Variants in PDZRN4 observed in about 807,000 individuals in gnomAD.
PDZRN4 encodes PDZ domain containing ring finger 4.
A neutral mutation model predicts 99.0 loss-of-function variants in PDZRN4; 70 were observed. The ratio of observed to expected loss-of-function variants is 0.71; its 90% CI spans 0.58 to 0.86. The LOEUF is 0.86. Ranked by LOEUF, PDZRN4 falls within the 40% of genes least tolerant of loss-of-function variation. PDZRN4 has a pLI of 0.00. For missense variants in PDZRN4, 1,474 were observed against 1,331.2 expected (o/e 1.11, Z -1.67); for synonymous variants, 551 against 501.6 (o/e 1.10, Z -1.32).
rs527360203 is a variant in PDZRN4, at chr12:41,438,752, G to T, written c.844-67704G>T. ...TACAAATAAGAAAACTAGATCCTGA[G>T]CCTTTATAGTTTTAACAGAATTTTC... On this transcript the variant is annotated intron_variant, in intron 3 of 9. Transcript: ENST00000402685. Among the ~76,000 whole-genome samples, 4 of 152,300 alleles carry T rather than the reference G, an allele frequency of 2.6e-5. No homozygotes were observed. In the South Asian group the frequency reaches 8.3e-4, roughly 32 times the overall value.
intron 3 of PDZRN4, among the ~76,000 whole-genome samples, chr12:41,292,019 G>A (rs1852411717): frequency 6.6e-6 from 1 of 152,188 alleles, no homozygotes; most frequent in Non-Finnish European, 1.5e-5. Context: ...CCCAGGTTGT[G>A]TTTGGCAGTC....
chr12:41,229,723 T>A (rs1951016690), intron 3 of PDZRN4, among the ~76,000 whole-genome samples: 1 of 152,048 alleles, frequency 6.6e-6, no homozygotes, highest in African/African-American at 2.4e-5. Context: ...TCAGAAGTCT[T>A]GTGAATGAAT....
chr12:41,262,608 G>A (rs562728031), intron 3 of PDZRN4, among the ~76,000 whole-genome samples: 1 of 152,268 alleles, frequency 6.6e-6, no homozygotes, highest in South Asian at 2.1e-4. Flanking sequence ...TAGAATTTGT[G>A]ATGATATTTG....
At chr12:41,374,567 A>G (rs1312465271) in intron 3 of PDZRN4, among the ~76,000 whole-genome samples, 1 of 152,186 alleles carries the variant, frequency 6.6e-6, no homozygotes, top group African/African-American at 2.4e-5. Context: ...GGATAGCAGT[A>G]GGTCTATAGA....
intron 3 of PDZRN4, among the ~76,000 whole-genome samples, chr12:41,418,474 A>G (rs1359273068): frequency 6.6e-6 from 1 of 152,186 alleles, no homozygotes; most frequent in African/African-American, 2.4e-5. Flanking sequence ...ATGGCCCTAA[A>G]GTAGTTTTAT....
chr12:41,323,003 A>G (rs1305632730), intron 3 of PDZRN4, among the ~76,000 whole-genome samples: 1 of 152,206 alleles, frequency 6.6e-6, no homozygotes, highest in Non-Finnish European at 1.5e-5. Context: ...CAGAGGGCAA[A>G]TAAGGCCAAT....
At chr12:41,325,458 A>G (rs189503737) in intron 3 of PDZRN4, among the ~76,000 whole-genome samples, 2 of 152,338 alleles carry the variant, frequency 1.3e-5, no homozygotes, top group East Asian at 3.9e-4. Flanking sequence ...AATTTTAAAA[A>G]CATGTAACCA....
At chr12:41,523,631 G>A (rs1938527202) in intron 5 of PDZRN4, among the ~76,000 whole-genome samples, 1 of 152,012 alleles carries the variant, frequency 6.6e-6, no homozygotes, top group Non-Finnish European at 1.5e-5. Context: ...TATTCAAAAT[G>A]GAAAGAAGCA....
At chr12:41,515,823 C>T (rs998378672) in intron 5 of PDZRN4, among the ~76,000 whole-genome samples, 11 of 152,034 alleles carry the variant, frequency 7.2e-5, no homozygotes, top group African/African-American at 2.7e-4. Flanking sequence ...CAGATCAAAC[C>T]TTCTCAAGTG....
At chr12:41,443,702 C>G (rs1386946124) in intron 3 of PDZRN4, among the ~76,000 whole-genome samples, 2 of 151,998 alleles carry the variant, frequency 1.3e-5, no homozygotes, top group African/African-American at 4.8e-5. Flanking sequence ...GTGAGGCCTA[C>G]TAGGAGGTAA....
At chr12:41,534,501 T>C (rs966475756) in intron 5 of PDZRN4, among the ~76,000 whole-genome samples, 1 of 152,130 alleles carries the variant, frequency 6.6e-6, no homozygotes, top group African/African-American at 2.4e-5. Flanking sequence ...TGTGTCCATG[T>C]GTTTTCATTG....
intron 3 of PDZRN4, among the ~76,000 whole-genome samples, chr12:41,501,255 T>C (rs1160865610): frequency 6.6e-6 from 1 of 152,158 alleles, no homozygotes; most frequent in Non-Finnish European, 1.5e-5. Context: ...CAGCTGACTC[T>C]AGAAATGGCT....
At chr12:41,404,659 A>G (rs1336029136) in intron 3 of PDZRN4, among the ~76,000 whole-genome samples, 1 of 151,968 alleles carries the variant, frequency 6.6e-6, no homozygotes, top group Non-Finnish European at 1.5e-5. Context: ...AAAAAAAACT[A>G]TTCTAAAATT....
At chr12:41,231,859 T>C (rs1951031333) in intron 3 of PDZRN4, among the ~76,000 whole-genome samples, 1 of 152,072 alleles carries the variant, frequency 6.6e-6, no homozygotes, top group Non-Finnish European at 1.5e-5. Context: ...ATTCTTATTG[T>C]TGAAGTTATT....
chr12:41,220,285 C>T (rs763549704), intron 3 of PDZRN4, among the ~76,000 whole-genome samples: 6 of 152,064 alleles, frequency 3.9e-5, no homozygotes, highest in Non-Finnish European at 7.4e-5. Context: ...CACCCTCTTG[C>T]TGTGTCTTCA....
intron 3 of PDZRN4, among the ~76,000 whole-genome samples, chr12:41,238,595 A>C (rs1247218478): frequency 2.0e-5 from 3 of 152,154 alleles, no homozygotes; most frequent in African/African-American, 7.2e-5. Context: ...AAAAGAAGAC[A>C]TACACGCAGC....
At chr12:41,521,477 T>G (rs926943122) in intron 5 of PDZRN4, among the ~76,000 whole-genome samples, 1 of 152,022 alleles carries the variant, frequency 6.6e-6, no homozygotes, top group Non-Finnish European at 1.5e-5. Flanking sequence ...ATATTAGAGA[T>G]AGAAATTTGA....
intron 3 of PDZRN4, among the ~76,000 whole-genome samples, chr12:41,470,161 C>A (rs1952972462): frequency 6.6e-6 from 1 of 152,042 alleles, no homozygotes; most frequent in African/African-American, 2.4e-5. Context: ...AGAAAATTTA[C>A]AAACCCTTTC....
At chr12:41,523,694 A>T (rs1053365863) in intron 5 of PDZRN4, among the ~76,000 whole-genome samples, 7 of 152,142 alleles carry the variant, frequency 4.6e-5, no homozygotes, top group African/African-American at 1.7e-4. Context: ...GTTAGGAAGA[A>T]AATAGTGTGA....
Sources: gnomAD v4.1 joint callset for allele counts (sites outside exome capture counted in the v4.1 genomes callset) on GRCh38, gnomAD v4.1.1 for gene constraint, MANE v1.5 for transcripts, NCBI Gene and HGNC (gene_info 2026-07-23, HGNC 2026-07-21) for gene names.